WWOX: variants seen among roughly 807,000 people sequenced by gnomAD.
WWOX encodes WW domain-containing oxidoreductase.
Under a neutral mutation model 46.2 loss-of-function variants are expected in WWOX, and 69 were observed. The ratio of observed to expected loss-of-function variants is 1.49; its 90% confidence interval spans 1.23 to 1.82. The LOEUF is 1.82. Ranked by LOEUF, WWOX falls within the 40% of genes most tolerant of loss-of-function variation. The probability of loss-of-function intolerance (pLI) is 0.00; values close to 1 mark genes in which losing one functional copy is unlikely to be tolerated. For missense variants in WWOX, 919 were observed against 542.6 expected (o/e 1.69, Z -6.89); for synonymous variants, 359 against 202.6 (o/e 1.77, Z -6.56).
At chr16:78,907,858 G>C (rs114120765) in intron 8 of WWOX, among the ~76,000 whole-genome samples, 2,310 of 152,216 alleles carry the variant, frequency 0.015, 57 homozygotes, top group African/African-American at 0.054. Flanking sequence ...CGAGGGAGCA[G>C]CAAGTTCCAA....
At chr16:78,736,018 G>C (rs16948395) in intron 8 of WWOX, among the ~76,000 whole-genome samples, 22,684 of 152,186 alleles carry the variant, frequency 0.15, 2,044 homozygotes, top group African/African-American at 0.24. Context: ...TCTGAACCCT[G>C]TGTTTTGTTG....
At chr16:79,161,648 G>A (rs893478902) in intron 8 of WWOX, among the ~76,000 whole-genome samples, 1 of 151,986 alleles carries the variant, frequency 6.6e-6, no homozygotes, top group Admixed American at 6.6e-5. Flanking sequence ...TCAGCTTCCC[G>A]AGTAGCTGGG....
intron 8 of WWOX, among the ~76,000 whole-genome samples, chr16:78,969,028 C>A (rs1198408302): frequency 6.6e-6 from 1 of 152,136 alleles, no homozygotes; most frequent in African/African-American, 2.4e-5. Flanking sequence ...CGGGGAGTGG[C>A]TCAGCTACCA....
chr16:78,106,375 G>A (rs1049295640), intron 1 of WWOX, among the ~76,000 whole-genome samples: 2 of 151,402 alleles, frequency 1.3e-5, no homozygotes, highest in Admixed American at 6.6e-5. Flanking sequence ...AGCAGAGAGC[G>A]GGTTATCCTT....
intron 8 of WWOX, among the ~76,000 whole-genome samples, chr16:78,776,073 C>T (rs765151300): frequency 2.0e-5 from 3 of 152,162 alleles, no homozygotes; most frequent in Non-Finnish European, 4.4e-5. Flanking sequence ...ATGGCTAGTT[C>T]AGAAAACCTT....
chr16:78,695,526 A>G (rs1360471724), intron 8 of WWOX, among the ~76,000 whole-genome samples: 1 of 152,202 alleles, frequency 6.6e-6, no homozygotes, highest in Non-Finnish European at 1.5e-5. Flanking sequence ...AGAGAGTAGC[A>G]TGCAGATCCC....
At chr16:78,757,325 T>TACCCCAGC (rs71140826) in intron 8 of WWOX, among the ~76,000 whole-genome samples, 7 of 151,158 alleles carry the variant, frequency 4.6e-5, no homozygotes, top group Middle Eastern at 3.4e-3. Context: ...TCTTACCACC[T>TACCCCAGC]ACCCCAGCAC....
intron 5 of WWOX, among the ~76,000 whole-genome samples, chr16:78,365,776 G>C (rs1344723801): frequency 6.6e-6 from 1 of 151,970 alleles, no homozygotes; most frequent in Admixed American, 6.6e-5. Context: ...GTGCTTCTGC[G>C]TGCCCCTCCT....
intron 8 of WWOX, among the ~76,000 whole-genome samples, chr16:79,044,133 G>A (rs1417075936): frequency 3.3e-5 from 5 of 152,228 alleles, no homozygotes; most frequent in East Asian, 1.9e-4. Context: ...AAAGGAACAC[G>A]TACTGGGAAT....
intron 8 of WWOX, among the ~76,000 whole-genome samples, chr16:78,499,187 G>A (rs923749348): frequency 9.9e-5 from 15 of 151,984 alleles, no homozygotes; most frequent in Non-Finnish European, 2.2e-4. Flanking sequence ...ACACTTGAAG[G>A]TGTCCACGCT....
chr16:78,562,539 T>G (rs1477309630), intron 8 of WWOX, among the ~76,000 whole-genome samples: 1 of 152,180 alleles, frequency 6.6e-6, no homozygotes, highest in Non-Finnish European at 1.5e-5. Context: ...GAGGACTCCA[T>G]AAATGTCTGC....
intron 5 of WWOX, among the ~76,000 whole-genome samples, chr16:78,206,903 G>A (rs372705020): frequency 1.2e-4 from 18 of 152,258 alleles, no homozygotes; most frequent in African/African-American, 2.2e-4. Flanking sequence ...AATGATAATA[G>A]CTAATGATAC....
At chr16:79,119,233 G>C (rs1364988241) in intron 8 of WWOX, among the ~76,000 whole-genome samples, 2 of 152,036 alleles carry the variant, frequency 1.3e-5, no homozygotes, top group Non-Finnish European at 2.9e-5. Context: ...CAAACAAATG[G>C]TGTGTTATTG....
At chr16:78,383,920 G>A (rs2082007238) in intron 5 of WWOX, among the ~76,000 whole-genome samples, 2 of 152,058 alleles carry the variant, frequency 1.3e-5, no homozygotes, top group Non-Finnish European at 2.9e-5. Context: ...AGAGTTATAT[G>A]TTCTGATTTT....
intron 8 of WWOX, among the ~76,000 whole-genome samples, chr16:78,915,024 A>G (rs2045214399): frequency 6.6e-6 from 1 of 152,206 alleles, no homozygotes; most frequent in Non-Finnish European, 1.5e-5. Context: ...AAAAACATAG[A>G]AAATGATCAC....
intron 8 of WWOX, among the ~76,000 whole-genome samples, chr16:79,173,902 A>G (rs536775967): frequency 6.6e-6 from 1 of 152,298 alleles, no homozygotes; most frequent in Non-Finnish European, 1.5e-5. Flanking sequence ...ATCTACATAG[A>G]TACTTTTTTT....
intron 8 of WWOX, among the ~76,000 whole-genome samples, chr16:78,491,276 A>C (rs929152789): frequency 1.3e-5 from 2 of 152,182 alleles, no homozygotes; most frequent in Admixed American, 1.3e-4. Context: ...TTGTATCGTG[A>C]CTGTCTGGTT....
intron 5 of WWOX, among the ~76,000 whole-genome samples, chr16:78,183,657 A>G (rs566010186): frequency 2.0e-4 from 30 of 152,288 alleles, no homozygotes; most frequent in African/African-American, 2.9e-4. Flanking sequence ...CCTGCCAAGT[A>G]CCACTCACTG....
At chr16:78,652,585 C>A (rs181615741) in intron 8 of WWOX, among the ~76,000 whole-genome samples, 1 of 152,040 alleles carries the variant, frequency 6.6e-6, no homozygotes, top group East Asian at 1.9e-4. Context: ...TCAGCGTGTT[C>A]GGGGTCTCCC....
Sources: allele counts gnomAD v4.1 joint callset (sites outside exome capture counted in the v4.1 genomes callset), GRCh38; gene constraint gnomAD v4.1.1; transcripts MANE v1.5; gene names NCBI Gene and HGNC (gene_info 2026-07-23, HGNC 2026-07-21).